The following TAS2R1 variants were observed in gnomAD, a reference collection of about 807,000 sequenced individuals.
TAS2R1 encodes taste 2 receptor member 1.
For missense variants in TAS2R1, 370 were observed against 353.4 expected (o/e 1.05, Z -0.38); for synonymous variants, 141 against 134.2 (o/e 1.05, Z -0.35).
the TAS2R1 span, among the ~76,000 whole-genome samples, chr5:9,900,639 T>TTTTTTTTA: frequency 7.3e-6 from 1 of 136,290 alleles, no homozygotes; most frequent in African/African-American, 2.6e-5. Context: ...TTTTTTTTTT[T>TTTTTTTTA]AGACGGAGTC....
chr5:9,721,147 A>C, the TAS2R1 span, among the ~76,000 whole-genome samples: 2 of 152,244 alleles, frequency 1.3e-5, no homozygotes, highest in African/African-American at 4.8e-5. Context: ...AGCAAAGCAC[A>C]TGCCAGCAAA....
the TAS2R1 span, among the ~76,000 whole-genome samples, chr5:9,740,609 C>T: frequency 0.3 from 45,514 of 152,052 alleles, 7,975 homozygotes; most frequent in East Asian, 0.42. Flanking sequence ...CACCCAATTG[C>T]CTTCCAAAAC....
At chr5:9,827,821 A>C in the TAS2R1 span, among the ~76,000 whole-genome samples, 3 of 152,216 alleles carry the variant, frequency 2.0e-5, no homozygotes, top group African/African-American at 7.2e-5. Flanking sequence ...AGTATCAGGT[A>C]AATACCTTTA....
At chr5:9,872,421 C>G in the TAS2R1 span, among the ~76,000 whole-genome samples, 5 of 152,138 alleles carry the variant, frequency 3.3e-5, no homozygotes, top group Non-Finnish European at 5.9e-5. Context: ...TAAAAAAACC[C>G]CTTTGCTTAA....
the TAS2R1 span, among the ~76,000 whole-genome samples, chr5:9,809,827 C>A: frequency 6.6e-6 from 1 of 152,156 alleles, no homozygotes; most frequent in African/African-American, 2.4e-5. Flanking sequence ...TGTATTCCTT[C>A]TTAGAGCCAC....
the TAS2R1 span, among the ~76,000 whole-genome samples, chr5:9,864,484 T>A: frequency 1.3e-5 from 2 of 149,224 alleles, no homozygotes; most frequent in Admixed American, 6.8e-5. Context: ...AAAAAAAAAA[T>A]TAGCTGGGCA....
chr5:9,812,448 C>A, the TAS2R1 span, among the ~76,000 whole-genome samples: 1 of 151,888 alleles, frequency 6.6e-6, no homozygotes, highest in South Asian at 2.1e-4. Context: ...GATGATTGGG[C>A]TCTAAGTGTG....
At chr5:9,633,797 T>A (rs1739920720), upstream of TAS2R1, among the ~76,000 whole-genome samples, 1 of 151,936 alleles carries the variant, frequency 6.6e-6, no homozygotes, top group African/African-American at 2.4e-5. Flanking sequence ...GATTATTGGT[T>A]TTTTTTTCTT....
At chr5:9,717,688 G>GA in the TAS2R1 span, among the ~76,000 whole-genome samples, 60,922 of 151,110 alleles carry the variant, frequency 0.4, 12,501 homozygotes, top group Middle Eastern at 0.5. Flanking sequence ...AGGAAAAGAT[G>GA]AAAAAAAAGA....
chr5:9,814,810 T>C, the TAS2R1 span, among the ~76,000 whole-genome samples: 1 of 152,208 alleles, frequency 6.6e-6, no homozygotes, highest in Non-Finnish European at 1.5e-5. Context: ...ATCCTTCCTC[T>C]GACTTTGCTT....
At chr5:9,803,688 A>G in the TAS2R1 span, among the ~76,000 whole-genome samples, 3 of 152,190 alleles carry the variant, frequency 2.0e-5, no homozygotes, top group Non-Finnish European at 2.9e-5. Flanking sequence ...AGACAAACAA[A>G]TGCTGAGAAA....
the TAS2R1 span, among the ~76,000 whole-genome samples, chr5:9,847,880 G>A: frequency 0.073 from 11,041 of 152,268 alleles, 463 homozygotes; most frequent in Middle Eastern, 0.16. Flanking sequence ...CCCAACACCA[G>A]TGGTTCTCAA....
chr5:9,895,532 G>A, the TAS2R1 span, among the ~76,000 whole-genome samples: 1 of 152,238 alleles, frequency 6.6e-6, no homozygotes, highest in African/African-American at 2.4e-5. Flanking sequence ...CAGAGGCGAG[G>A]CTTCCTTTTG....
chr5:9,825,865 T>G, the TAS2R1 span, among the ~76,000 whole-genome samples: 1 of 152,168 alleles, frequency 6.6e-6, no homozygotes, highest in Admixed American at 6.5e-5. Flanking sequence ...CCTTGCTTTC[T>G]GGCACAACAA....
the TAS2R1 span, among the ~76,000 whole-genome samples, chr5:9,851,585 G>A: frequency 6.6e-6 from 1 of 150,480 alleles, no homozygotes; most frequent in African/African-American, 2.5e-5. Context: ...AACACAAGAA[G>A]TGCAGCATGA....
At chr5:9,814,333 A>G in the TAS2R1 span, among the ~76,000 whole-genome samples, 29 of 152,348 alleles carry the variant, frequency 1.9e-4, no homozygotes, top group East Asian at 5.6e-3. Flanking sequence ...ACAAAATGCT[A>G]AGAATTTTTT....
At chr5:9,685,849 G>A (rs1289736747) in intron 1 of TAS2R1, among the ~76,000 whole-genome samples, 1 of 152,082 alleles carries the variant, frequency 6.6e-6, no homozygotes, top group Non-Finnish European at 1.5e-5. Context: ...AATGCCATTT[G>A]ATTGTATCTT....
the TAS2R1 span, among the ~76,000 whole-genome samples, chr5:9,753,675 T>C: frequency 6.6e-6 from 1 of 152,180 alleles, no homozygotes; most frequent in Non-Finnish European, 1.5e-5. Context: ...GTTTTTATGG[T>C]TTCAGGTCTA....
At chr5:9,669,500 C>T (rs1291443697) in intron 1 of TAS2R1, among the ~76,000 whole-genome samples, 1 of 152,054 alleles carries the variant, frequency 6.6e-6, no homozygotes, top group South Asian at 2.1e-4. Flanking sequence ...TAAAATCAAC[C>T]ACACAATGGC....
Sources: gnomAD v4.1 joint callset for allele counts (sites outside exome capture counted in the v4.1 genomes callset) on GRCh38, gnomAD v4.1.1 for gene constraint, MANE v1.5 for transcripts, NCBI Gene and HGNC (gene_info 2026-07-23, HGNC 2026-07-21) for gene names.